The following PDZD2 variants were observed in gnomAD, a reference collection of about 807,000 sequenced individuals.
PDZD2 encodes PDZ domain-containing protein 2.
Under a neutral mutation model 220.7 loss-of-function variants are expected in PDZD2, and 90 were observed. The ratio of observed to expected loss-of-function variants is 0.41; its 90% confidence interval spans 0.34 to 0.49. The LOEUF is 0.49. Among genes scored for constraint, PDZD2 ranks in the 20% least tolerant of loss-of-function variants. The pLI, the probability that PDZD2 is intolerant of heterozygous loss-of-function variation, is 0.28. For synonymous variants in PDZD2, 1,375 were observed against 1,450.5 expected (o/e 0.95, Z 1.18); for missense variants, 3,174 against 3,608.5 (o/e 0.88, Z 3.08).
At chr5:31,881,041 AC>A (rs944102638) in intron 2 of PDZD2, among the ~76,000 whole-genome samples, 1 of 151,374 alleles carries the variant, frequency 6.6e-6, no homozygotes, top group African/African-American at 2.4e-5. Flanking sequence ...ACCTTGTGAT[AC>A]GCCCGCCTAG....
chr5:31,689,515 C>A (rs1182674250), intron 1 of PDZD2, among the ~76,000 whole-genome samples: 1 of 151,042 alleles, frequency 6.6e-6, no homozygotes, highest in African/African-American at 2.4e-5. Flanking sequence ...TATTGCTGTA[C>A]GAGCAAAACT....
intron 19 of PDZD2, among the ~76,000 whole-genome samples, chr5:32,086,710 C>G (rs1352090821): frequency 1.3e-5 from 2 of 152,022 alleles, no homozygotes; most frequent in African/African-American, 4.8e-5. Context: ...GAGTTTCGCT[C>G]TTTTTGCCCA....
chr5:31,828,181 G>T (rs1310357821), intron 2 of PDZD2, among the ~76,000 whole-genome samples: 2 of 152,206 alleles, frequency 1.3e-5, no homozygotes, highest in Admixed American at 1.3e-4. Flanking sequence ...GTGTGAGTAT[G>T]TTTTCAGTTC....
intron 1 of PDZD2, among the ~76,000 whole-genome samples, chr5:31,770,772 G>A (rs1053658562): frequency 7.2e-5 from 11 of 151,986 alleles, no homozygotes; most frequent in Non-Finnish European, 1.0e-4. Flanking sequence ...CACCAAACCA[G>A]GGCAGTTTCT....
intron 24 of PDZD2, among the ~76,000 whole-genome samples, chr5:32,105,087 T>C (rs1334477491): frequency 6.6e-6 from 1 of 151,650 alleles, no homozygotes; most frequent in Non-Finnish European, 1.5e-5. Context: ...TGAGCCATGG[T>C]TGTGCCACAG....
chr5:32,022,185 G>GTTTTTTTTTTTTTTTTTT (rs145876120), intron 6 of PDZD2, among the ~76,000 whole-genome samples: 3 of 135,592 alleles, frequency 2.2e-5, no homozygotes, highest in African/African-American at 5.5e-5. Flanking sequence ...TTGTTTTTTT[G>GTTTTTTTTTTTTTTTTTT]TTTTTTTGTT....
intron 2 of PDZD2, among the ~76,000 whole-genome samples, chr5:31,942,082 T>C (rs1431808815): frequency 6.6e-6 from 1 of 152,228 alleles, no homozygotes; most frequent in Non-Finnish European, 1.5e-5. Flanking sequence ...GTGAATGATA[T>C]AGCACTGATT....
chr5:32,068,724 A>G (rs1392708278), intron 14 of PDZD2, among the ~76,000 whole-genome samples: 1 of 152,172 alleles, frequency 6.6e-6, no homozygotes, highest in African/African-American at 2.4e-5. Flanking sequence ...TATCATGGTT[A>G]TTTAAAAGAA....
At chr5:32,036,246 GC>G (rs1161032355) in intron 6 of PDZD2, among the ~76,000 whole-genome samples, 3 of 152,120 alleles carry the variant, frequency 2.0e-5, no homozygotes, top group Admixed American at 6.5e-5. Context: ...ACTGCACCCG[GC>G]CTCATCAACC....
At position 31,799,450 on chromosome 5, in the gene PDZD2, A is replaced by T. The variant is rs760010945; in HGVS notation, c.202A>T (p.Ile68Phe). Residue 68 changes from isoleucine to phenylalanine, a missense_variant, in exon 2 of 25, where the codon ATC (isoleucine) becomes TTC (phenylalanine). By Grantham distance (21) the Ile-to-Phe change is conservative (BLOSUM62 0). This residue lies in a region of PDZD2 where 632 missense variants were observed against 708.1 expected (regional missense o/e 0.89). Coordinates refer to ENST00000438447, the MANE Select transcript of PDZD2 (RefSeq NM_178140.4). ...TGATCACAGCCCCCCCGAAATGGAG[A>T]TCTGTACTGTGTACCTCACCAAGGA... is the stretch of plus-strand genomic sequence containing the variant. ...PPDHSPPEME[I>F]CTVYLTKELG... 1.9e-6 allele frequency: 3 copies of T among 1,614,138 alleles called. No individual in the cohort carries two copies. The highest frequency in any genetic ancestry group is 1.1e-5 in the South Asian group (1 of 91,088).
At chr5:31,704,977 G>A (rs777724178) in intron 1 of PDZD2, among the ~76,000 whole-genome samples, 4 of 152,082 alleles carry the variant, frequency 2.6e-5, no homozygotes, top group Non-Finnish European at 4.4e-5. Flanking sequence ...CCTGGCCAAC[G>A]TGGTAAAACC....
At chr5:32,091,562 T>C (rs914825545) in intron 20 of PDZD2, among the ~76,000 whole-genome samples, 5 of 152,108 alleles carry the variant, frequency 3.3e-5, no homozygotes, top group African/African-American at 1.2e-4. Flanking sequence ...GGATTACAGG[T>C]GTGAGCCACT....
chr5:31,842,715 C>T (rs183719131), intron 2 of PDZD2, among the ~76,000 whole-genome samples: 2 of 152,136 alleles, frequency 1.3e-5, no homozygotes, highest in Non-Finnish European at 2.9e-5. Context: ...GATGATAATA[C>T]TAACAATGTG....
intron 19 of PDZD2, among the ~76,000 whole-genome samples, chr5:32,080,659 A>G (rs562908246): frequency 1.9e-4 from 29 of 152,160 alleles, no homozygotes; most frequent in Non-Finnish European, 3.4e-4. Context: ...TATTCTAGGT[A>G]GGCCAGTTTT....
rs1271941223 is a variant in PDZD2 at position 32,057,878 on chromosome 5, C to G, written c.1975C>G (p.Gln659Glu). The change falls in exon 12 of 25, where the codon CAA (glutamine) becomes GAA (glutamate). Residue 659 changes from glutamine (Q) to glutamate (E), a missense_variant and splice_region_variant. This residue lies in a region of PDZD2 where 1,861 missense variants were observed against 2,001.0 expected (regional missense o/e 0.93). Coordinates refer to ENST00000438447, the MANE Select transcript of PDZD2 (RefSeq NM_178140.4). ...CCACCTTTCCTCACTGTTTTCTCAG[C>G]AAATCCGGAGTGGATTATTTGTTTT... ...TFQEAIHTFK[Q>E]IRSGLFVLTV... 6.2e-7 allele frequency: 1 copy of G among 1,608,864 alleles called. No homozygotes were observed. Among genetic ancestry groups the G allele is most frequent in the Admixed American group, 1.7e-5 (1 of 59,952 alleles).
chr5:31,939,296 T>G (rs1230422132), intron 2 of PDZD2, among the ~76,000 whole-genome samples: 1 of 152,204 alleles, frequency 6.6e-6, no homozygotes, highest in African/African-American at 2.4e-5. Flanking sequence ...CTGTATGCAC[T>G]GGAATTTCAG....
chr5:31,891,924 G>A (rs200690062), intron 2 of PDZD2, among the ~76,000 whole-genome samples: 7 of 135,626 alleles, frequency 5.2e-5, no homozygotes, highest in Admixed American at 2.9e-4. Context: ...CTTTTTTTTT[G>A]CGGGGGGACA....
At chr5:31,970,537 TC>T (rs1185865429) in intron 2 of PDZD2, among the ~76,000 whole-genome samples, 1 of 151,920 alleles carries the variant, frequency 6.6e-6, no homozygotes, top group Non-Finnish European at 1.5e-5. Context: ...GTGCCTATAA[TC>T]CCAGCTACTC....
intron 2 of PDZD2, among the ~76,000 whole-genome samples, chr5:31,952,311 A>G (rs949849941): frequency 6.6e-6 from 1 of 152,222 alleles, no homozygotes; most frequent in Non-Finnish European, 1.5e-5. Context: ...TAATTATGTG[A>G]TGGGAATGTC....
Sources: gnomAD v4.1 joint callset for allele counts (sites outside exome capture counted in the v4.1 genomes callset) on GRCh38, gnomAD v4.1.1 for gene constraint, gnomAD v4.1.1 regional missense constraint, MANE v1.5 for transcripts, NCBI Gene and HGNC (gene_info 2026-07-23, HGNC 2026-07-21) for gene names.